SEPTIN7: variants seen among roughly 807,000 people sequenced by gnomAD.
SEPTIN7 encodes the protein septin 7.
Under a neutral mutation model 63.3 loss-of-function variants are expected in SEPTIN7, and 10 were observed. The observed-to-expected ratio is 0.16, with a 90% confidence interval of 0.10 to 0.27. The LOEUF (loss-of-function observed/expected upper bound fraction) is 0.27. SEPTIN7 is among the 10% of genes least tolerant of loss of function. The pLI, the probability that SEPTIN7 is intolerant of heterozygous loss-of-function variation, is 1.00. For missense variants in SEPTIN7, 310 were observed against 521.0 expected, an observed-to-expected ratio of 0.59 and a Z score of 3.94; for synonymous variants, 131 against 165.3, an observed-to-expected ratio of 0.79 and a Z score of 1.59.
intron 11 of SEPTIN7, 98 bp downstream of exon 11, chr7:35,890,891 A>T (rs1787597044): frequency 9.3e-7 from 1 of 1,080,728 alleles, no homozygotes; most frequent in Non-Finnish European, 1.2e-6. Context: ...CTCAGTAGAA[A>T]ATTTGGATAA....
chr7:35,806,141 A>T (rs1278394637), intron 1 of SEPTIN7, among the ~76,000 whole-genome samples: 1 of 152,204 alleles, frequency 6.6e-6, no homozygotes, highest in Non-Finnish European at 1.5e-5. Flanking sequence ...GAACCACTGC[A>T]CTAGGTGATG....
rs998836747 is a variant in SEPTIN7 at position 35,847,381 on chromosome 7, C to T, written c.169+14481C>T. The T allele has an allele frequency of 3.6e-5, 6 of 165,668 alleles. No homozygotes were observed. The East Asian group carries it at 4.9e-4, about 13-fold the overall frequency. The allele number at this position is 165,668 out of a possible 1,614,324, so 10.3% of individuals were successfully genotyped here. A position where few individuals can be genotyped will look rare whatever the true frequency, so the allele number is the denominator to read the frequency against. On this transcript the variant is annotated intron_variant, in intron 3 of 13. Coordinates refer to ENST00000350320, the MANE Select transcript of SEPTIN7 (RefSeq NM_001788.6). ...CCATGGCTGAAGCCATCAGGGCCCC[C>T]GGGTAACTGGAACACAGGCACAGGA... is the stretch of plus-strand genomic sequence containing the variant.
At chr7:35,812,067 C>G in intron 1 of SEPTIN7, 1 of 252,448 alleles carries the variant, frequency 4.0e-6, no homozygotes, top group Non-Finnish European at 8.4e-6. Flanking sequence ...GCAGAGGTTG[C>G]CGTGAGCCAA....
Position 35,890,804 on chromosome 7 carries a change from A to G in SEPTIN7, c.998+11A>G. ...AGGGCAGCTGACTAAGTAAGTATAT[A>G]TTTTTTTCTCCAAAAAGGTATTATT... On this transcript the variant is annotated intron_variant, in intron 11 of 13. Transcript: ENST00000350320. 1 of 1,519,636 alleles carries G rather than the reference A, an allele frequency of 6.6e-7. No individual in the cohort carries two copies. The highest frequency in any genetic ancestry group is 8.8e-7 in the Non-Finnish European group (1 of 1,141,866). 94.1% of individuals were successfully genotyped at this position (1,519,636 alleles called of 1,614,324 possible). A position where few individuals can be genotyped will look rare whatever the true frequency, so the allele number is the denominator to read the frequency against.
intron 3 of SEPTIN7, among the ~76,000 whole-genome samples, chr7:35,854,199 G>A (rs1004295553): frequency 1.3e-5 from 2 of 152,202 alleles, no homozygotes; most frequent in Non-Finnish European, 2.9e-5. Context: ...TTTTGGATAA[G>A]TGATACACAA....
At position 35,905,656 on chromosome 7, in the gene SEPTIN7, A is replaced by G. The variant is rs1318593488; in HGVS notation, c.*1363A>G. 2.0e-5 allele frequency: 3 copies of G among 152,078 alleles called. No individual in the cohort carries two copies. The highest frequency in any genetic ancestry group is 7.2e-5 in the African/African-American group (3 of 41,408). 9.4% of individuals were successfully genotyped at this position (152,078 alleles called of 1,614,324 possible). A position where few individuals can be genotyped will look rare whatever the true frequency, so the allele number is the denominator to read the frequency against. ...TGCCTCAGCCCCCTGAGTATCTGGGATTGCAGGCGTGCACCACCACGCCTG... is the reference window on the plus strand; with the variant it reads ...TGCCTCAGCCCCCTGAGTATCTGGGGTTGCAGGCGTGCACCACCACGCCTG... On this transcript the variant is annotated 3_prime_UTR_variant, in exon 14 of 14. Transcript: ENST00000350320.
rs372505397 is a variant in SEPTIN7, at chr7:35,810,920, C to T, written c.61+9650C>T. 4.2e-4 allele frequency among the ~76,000 whole-genome samples: 64 copies of T among 152,156 alleles called. 1 individual carries two copies. The highest frequency in any genetic ancestry group is 1.5e-3 in the African/African-American group (63 of 41,498). ...TAGCTGGGATTACAGGCACATGCCA[C>T]CACGCCTGGCTAATTTTTTTGTATT... On this transcript the variant is annotated intron_variant, in intron 1 of 13. Coordinates refer to ENST00000350320, the MANE Select transcript of SEPTIN7 (RefSeq NM_001788.6).
intron 3 of SEPTIN7, among the ~76,000 whole-genome samples, chr7:35,843,921 T>A (rs1784531956): frequency 6.6e-6 from 1 of 152,168 alleles, no homozygotes; most frequent in Non-Finnish European, 1.5e-5. Context: ...AAGATTTGAT[T>A]GTGAAGAGTT....
chr7:35,887,325 T>G (rs1787321408), intron 10 of SEPTIN7, among the ~76,000 whole-genome samples: 1 of 152,218 alleles, frequency 6.6e-6, no homozygotes, highest in Non-Finnish European at 1.5e-5. Context: ...CCTAAAACAC[T>G]GTAGAGGGGA....
At chr7:35,880,319 A>G (rs1413726146) in intron 7 of SEPTIN7, among the ~76,000 whole-genome samples, 2 of 101,368 alleles carry the variant, frequency 2.0e-5, no homozygotes, top group East Asian at 5.4e-4. Flanking sequence ...ATGGGTCTTT[A>G]TCTCCCCACT....
chr7:35,856,006 G>A (rs1785185667), intron 3 of SEPTIN7, among the ~76,000 whole-genome samples: 1 of 151,942 alleles, frequency 6.6e-6, no homozygotes. Flanking sequence ...ATATTCTTCT[G>A]TCATATCAAA....
intron 1 of SEPTIN7, chr7:35,831,280 T>G (rs1403483455): frequency 5.2e-6 from 1 of 190,834 alleles, no homozygotes; most frequent in Non-Finnish European, 1.1e-5. Flanking sequence ...AGTCTGCCTT[T>G]AATTTCTTTG....
chr7:35,909,239 C>G (rs879318204), downstream of SEPTIN7, among the ~76,000 whole-genome samples: 1 of 152,208 alleles, frequency 6.6e-6, no homozygotes, highest in South Asian at 2.1e-4. Context: ...ACACAGTTCT[C>G]TCACCCAGAC....
At chr7:35,835,808 T>G (rs1356126895) in intron 3 of SEPTIN7, among the ~76,000 whole-genome samples, 2 of 152,116 alleles carry the variant, frequency 1.3e-5, no homozygotes, top group Non-Finnish European at 2.9e-5. Context: ...TTCCACATAG[T>G]TTGATAGTGT....
In SEPTIN7 at chr7:35,804,867, G is replaced by A. The variant is rs113390114; in HGVS notation, c.61+3597G>A. The stretch of plus-strand genomic sequence containing the variant: ...TTTTTTTTTTTTGAGACGTAATTTC[G>A]CTCTTGCTGCCCATGCTGGAGTGCA... On this transcript the variant is annotated intron_variant, in intron 1 of 13. Coordinates refer to ENST00000350320, the MANE Select transcript of SEPTIN7 (RefSeq NM_001788.6). Among the ~76,000 whole-genome samples the A allele has an allele frequency of 3.1e-3, 370 of 120,958 alleles. 3 individuals are homozygous for A. The highest frequency in any genetic ancestry group is 0.011 in the African/African-American group (328 of 30,948). 79.4% of individuals were successfully genotyped at this position (120,958 alleles called of 152,430 possible).
intron 1 of SEPTIN7, among the ~76,000 whole-genome samples, chr7:35,822,745 C>CTA (rs1562747552): frequency 6.6e-6 from 1 of 152,158 alleles, no homozygotes; most frequent in East Asian, 1.9e-4. Flanking sequence ...TTCCATGATA[C>CTA]AACACTGGTC....
chr7:35,858,783 C>T lies in SEPTIN7; in HGVS notation c.170-4769C>T, dbSNP rs370074958. Among the ~76,000 whole-genome samples the T allele has an allele frequency of 6.7e-4, 102 of 151,626 alleles. 2 individuals carry two copies. The South Asian group carries it at 0.02, about 30-fold the overall frequency. On this transcript the variant is annotated intron_variant, in intron 3 of 13. Coordinates refer to ENST00000350320, the MANE Select transcript of SEPTIN7 (RefSeq NM_001788.6). The stretch of plus-strand genomic sequence containing the variant: ...GCAACCTCCGCCTCCTGGGTTCAAG[C>T]GATTCTCCTGCCTCAGCCTCCCAAG...
chr7:35,855,012 C>T (rs1001540459), intron 3 of SEPTIN7, among the ~76,000 whole-genome samples: 1 of 151,938 alleles, frequency 6.6e-6, no homozygotes, highest in African/African-American at 2.4e-5. Flanking sequence ...TAGTAAAAAG[C>T]AAGTTTCCTT....
intron 11 of SEPTIN7, 53 bp from the exon 12 acceptor site, chr7:35,898,195 A>T: frequency 7.2e-7 from 1 of 1,395,734 alleles, no homozygotes; most frequent in Non-Finnish European, 9.5e-7. Context: ...ATAGTTCTGT[A>T]TTATAATTTT....
Sources: gnomAD v4.1 joint callset for allele counts (sites outside exome capture counted in the v4.1 genomes callset) on GRCh38, gnomAD v4.1.1 for gene constraint, MANE v1.5 for transcripts, NCBI Gene and HGNC (gene_info 2026-07-23, HGNC 2026-07-21) for gene names.